The following BIVM variants were observed in gnomAD, a reference collection of about 807,000 sequenced individuals.
The protein encoded by BIVM is basic, immunoglobulin-like variable motif containing.
In BIVM, 31 loss-of-function variants were observed where a neutral mutation model predicts 61.4. The ratio of observed to expected loss-of-function variants is 0.51; its 90% CI spans 0.38 to 0.68. BIVM has a LOEUF of 0.68. Ranked by LOEUF, BIVM falls within the 30% of genes least tolerant of loss-of-function variation. The pLI is 0.00. For missense variants in BIVM, 526 were observed against 596.0 expected (o/e 0.88, Z 1.22); for synonymous variants, 189 against 210.7 (o/e 0.90, Z 0.89).
In BIVM at chr13:102,831,653, AAT is replaced by A. The variant is rs1225068876; in HGVS notation, c.991_992del (p.Ile331TrpfsTer8). On this transcript the variant is annotated frameshift_variant, in exon 8 of 11. Coordinates refer to ENST00000257336, the MANE Select transcript of BIVM (RefSeq NM_017693.4). LOFTEE classifies it high-confidence loss of function. ...YHCQNHYFCP[I>X]GFEATPVKAN... ...ATTGCCAAAATCATTATTTTTGTCC[AAT>A]TGGCTTCGAAGCAACCCCTGTTAAA... is the stretch of plus-strand genomic sequence containing the variant. 6.2e-7 allele frequency: 1 copy of A among 1,614,122 alleles called. No homozygotes were observed. Among genetic ancestry groups the A allele is most frequent in the Admixed American group, 1.7e-5 (1 of 60,008 alleles).
At position 102,839,898 on chromosome 13, in the gene BIVM, A is replaced by T. The variant is rs757565810; in HGVS notation, c.*33A>T. 8.8e-6 allele frequency: 14 copies of T among 1,584,722 alleles called. No individual in the cohort carries two copies. The highest frequency in any genetic ancestry group is 1.2e-5 in the Non-Finnish European group (14 of 1,168,820). ...TGCTACTGAACAGCTGGCATTATAT[A>T]TGAAACTGCTATATACAGGACTGTA... On this transcript the variant is annotated 3_prime_UTR_variant, in exon 11 of 11. Coordinates refer to ENST00000257336, the MANE Select transcript of BIVM (RefSeq NM_017693.4).
intron 3 of BIVM, among the ~76,000 whole-genome samples, chr13:102,815,640 A>C (rs181881490): frequency 6.6e-6 from 1 of 152,366 alleles, no homozygotes; most frequent in African/African-American, 2.4e-5. Context: ...AATTAAAAAA[A>C]ATTAAAAAGT....
At chr13:102,823,146 T>G (rs9582635) in intron 7 of BIVM, among the ~76,000 whole-genome samples, 54,146 of 152,112 alleles carry the variant, frequency 0.36, 11,522 homozygotes, top group Non-Finnish European at 0.49. Flanking sequence ...ATGCTAAAAC[T>G]GGACACAGAA....
chr13:102,821,825 A>G lies in BIVM; in HGVS notation c.784A>G (p.Thr262Ala). The G allele has an allele frequency of 3.1e-6, 5 of 1,613,962 alleles. No homozygotes were observed. Among genetic ancestry groups the G allele is most frequent in the Non-Finnish European group, 4.2e-6 (5 of 1,179,974 alleles). ...TGAAGATATTAGGTTTGGTCCTTTC[A>G]CGGGGAATACAACACTTATGAGGTA... ...PFEDIRFGPF[T>A]GNTTLMRWFR... Residue 262 changes from threonine to alanine, a missense_variant, in exon 6 of 11, where the codon ACG (threonine) becomes GCG (alanine). Physicochemically the swap from Thr to Ala is moderately conservative, Grantham distance 58 (BLOSUM62 0). This residue lies in a region of BIVM where 312 missense variants were observed against 343.8 expected (regional missense o/e 0.91). Transcript: ENST00000257336.
rs147776330 is a variant in BIVM at position 102,821,193 on chromosome 13, A to G, written c.701+61A>G. 5.5e-4 allele frequency: 783 copies of G among 1,427,104 alleles called. 9 individuals are homozygous for G. In the East Asian group the frequency reaches 0.013, roughly 24 times the overall value. 88.4% of individuals were successfully genotyped at this position (1,427,104 alleles called of 1,614,324 possible). ...AAAGTAATTTGATGTTGCTTTTTCT[A>G]TAACAGAAAAAAATTTAAGAATAGA... is the stretch of plus-strand genomic sequence containing the variant. On this transcript the variant is annotated intron_variant, in intron 5 of 10. Transcript: ENST00000257336.
chr13:102,809,800 T>G (rs1292692986), intron 3 of BIVM, among the ~76,000 whole-genome samples: 9 of 151,558 alleles, frequency 5.9e-5, no homozygotes, highest in African/African-American at 2.2e-4. Context: ...TTTTTTTTTT[T>G]TCTGAGACAG....
chr13:102,831,414 T>C (rs1466038689), intron 7 of BIVM, 151 bp from the exon 8 acceptor site: 2 of 1,192,062 alleles, frequency 1.7e-6, no homozygotes, highest in Non-Finnish European at 2.3e-6. Flanking sequence ...ACATTTTTTG[T>C]ACCTATCAAT....
chr13:102,816,492 A>G lies in BIVM; in HGVS notation c.543A>G (p.Glu181=). The G allele has an allele frequency of 6.3e-7, 1 of 1,595,660 alleles. No homozygotes were observed. Among genetic ancestry groups the G allele is most frequent in the Non-Finnish European group, 8.5e-7 (1 of 1,173,558 alleles). Residue 181 remains glutamate (E), a synonymous_variant, in exon 4 of 11, where the codon GAA becomes GAG. Coordinates refer to ENST00000257336, the MANE Select transcript of BIVM (RefSeq NM_017693.4). ...ATAAAAAGGGAAGATATCAGAAGGA[A>G]TGTCCTCAGCATTCTCCTCTTGAAG... is the stretch of plus-strand genomic sequence containing the variant. ...TSDKKGRYQK[E]CPQHSPLEDI...
In BIVM at chr13:102,822,171, T is replaced by C. The variant is rs1880337934; in HGVS notation, c.901+12T>C. The C allele has an allele frequency of 1.2e-6, 2 of 1,611,172 alleles. No individual in the cohort carries two copies. The highest frequency in any genetic ancestry group is 1.3e-5 in the African/African-American group (1 of 74,962). ...AGCAGGAGAAACTGGTAGGTAAACATATAGAAGATTTACATACACACATAC... is the reference window on the plus strand; with the variant it reads ...AGCAGGAGAAACTGGTAGGTAAACACATAGAAGATTTACATACACACATAC... On this transcript the variant is annotated intron_variant, in intron 7 of 10. Coordinates refer to ENST00000257336, the MANE Select transcript of BIVM (RefSeq NM_017693.4).
chr13:102,831,496 G>C (rs1012007228), intron 7 of BIVM, 69 bp from the exon 8 acceptor site: 1 of 1,595,358 alleles, frequency 6.3e-7, no homozygotes, highest in South Asian at 1.1e-5. Context: ...GCCCTTAACC[G>C]GTCCTTTGTG....
intron 7 of BIVM, 118 bp downstream of exon 7, chr13:102,822,277 G>A: frequency 4.3e-6 from 4 of 935,654 alleles, no homozygotes; most frequent in Non-Finnish European, 6.4e-6. Context: ...GGGACATTAT[G>A]TAAACCCTCA....
intron 4 of BIVM, chr13:102,816,901 C>T (rs1879904958): frequency 6.5e-6 from 1 of 154,042 alleles, no homozygotes; most frequent in Non-Finnish European, 1.4e-5. Flanking sequence ...TATATTTCAT[C>T]TCAAGTTACC....
intron 3 of BIVM, among the ~76,000 whole-genome samples, chr13:102,809,121 T>G (rs1007726520): frequency 6.6e-6 from 1 of 152,190 alleles, no homozygotes; most frequent in Non-Finnish European, 1.5e-5. Flanking sequence ...GAAGCTTAGA[T>G]CATTGATTTT....
At position 102,831,681 on chromosome 13, in the gene BIVM, G is replaced by C. The variant is rs946283753; in HGVS notation, c.1018G>C (p.Ala340Pro). ...TGGCTTCGAAGCAACCCCTGTTAAA[G>C]CTAATAAAGCATTCAGGTAAGCATT... is the stretch of plus-strand genomic sequence containing the variant. ...PIGFEATPVK[A>P]NKAFSRGPLS... Residue 340 changes from alanine to proline, a missense_variant, in exon 8 of 11, where the codon GCT (alanine) becomes CCT (proline). Physicochemically the swap from Ala to Pro is conservative, Grantham distance 27. Around this residue, in one of 3 missense-constraint regions of BIVM, gnomAD observed 210 missense variants for 233.1 expected, o/e 0.90. Coordinates refer to ENST00000257336, the MANE Select transcript of BIVM (RefSeq NM_017693.4). 13 of 1,613,952 alleles carry C rather than the reference G, an allele frequency of 8.1e-6. No homozygotes were observed. The highest frequency in any genetic ancestry group is 1.0e-5 in the Non-Finnish European group (12 of 1,180,022).
At position 102,816,543 on chromosome 13, in the gene BIVM, C is replaced by A. The variant is rs759732846; in HGVS notation, c.594C>A (p.Asp198Glu). 3.8e-6 allele frequency: 6 copies of A among 1,564,454 alleles called. No homozygotes were observed. The highest frequency in any genetic ancestry group is 5.2e-6 in the Non-Finnish European group (6 of 1,161,936). ...LEDIKQRKVL[D>E]LRRWYCISRP... is the part of the protein sequence containing the mutation. ...ATATTAAACAGCGGAAAGTATTAGA[C>A]CTCAGACGATGGTGATGTTATCAGT... The change falls in exon 4 of 11, where the codon GAC becomes GAA. Residue 198 changes from aspartate (D) to glutamate (E), a missense_variant. Asp to Glu is a conservative substitution (Grantham distance 45, BLOSUM62 2). Coordinates refer to ENST00000257336, the MANE Select transcript of BIVM (RefSeq NM_017693.4).
chr13:102,821,947 G>A (rs1880323339), intron 6 of BIVM, 100 bp downstream of exon 6: 4 of 1,526,246 alleles, frequency 2.6e-6, no homozygotes, highest in Non-Finnish European at 3.6e-6. Context: ...CAGCTGCTGG[G>A]CTTCAACCTC....
intron 1 of BIVM, among the ~76,000 whole-genome samples, chr13:102,799,876 C>T (rs1309291751): frequency 6.6e-6 from 1 of 152,186 alleles, no homozygotes; most frequent in African/African-American, 2.4e-5. Flanking sequence ...TACCGGTGAC[C>T]CCTGTGCGGC....
At chr13:102,834,647 G>C in intron 9 of BIVM, 95 bp downstream of exon 9, 2 of 1,184,172 alleles carry the variant, frequency 1.7e-6, no homozygotes, top group South Asian at 3.6e-5. Context: ...TTTGATAAAT[G>C]AATGCACCTG....
intron 7 of BIVM, among the ~76,000 whole-genome samples, chr13:102,825,814 G>A (rs760557198): frequency 2.0e-5 from 3 of 152,188 alleles, no homozygotes; most frequent in Non-Finnish European, 4.4e-5. Flanking sequence ...CTGGGGGGAT[G>A]GCTTTTTCTT....
Sources: gnomAD v4.1 joint callset for allele counts (sites outside exome capture counted in the v4.1 genomes callset) on GRCh38, gnomAD v4.1.1 for gene constraint, gnomAD v4.1.1 regional missense constraint, MANE v1.5 for transcripts, NCBI Gene and HGNC (gene_info 2026-07-23, HGNC 2026-07-21) for gene names.